The following CACNA2D1 variants were observed in gnomAD, a reference collection of about 807,000 sequenced individuals.
CACNA2D1 encodes the protein voltage-dependent calcium channel subunit alpha-2/delta-1.
In CACNA2D1, 53 loss-of-function variants were observed where a neutral mutation model predicts 171.5. The observed-to-expected ratio is 0.31, with a 90% CI of 0.25 to 0.39. CACNA2D1 has a LOEUF of 0.39. Ranked by LOEUF, CACNA2D1 falls within the 10% of genes least tolerant of loss-of-function variation. CACNA2D1 has a pLI of 1.00. For synonymous variants in CACNA2D1, 442 were observed against 443.1 expected, an observed-to-expected ratio of 1.00 and a Z score of 0.03; for missense variants, 903 against 1,299.8, an observed-to-expected ratio of 0.69 and a Z score of 4.69.
In CACNA2D1 at chr7:82,443,768, C is replaced by G; in HGVS notation, c.-309G>C. 1 of 1,069,804 alleles carries G rather than the reference C, an allele frequency of 9.3e-7. No individual in the cohort carries two copies. The highest frequency in any genetic ancestry group is 1.6e-5 in the African/African-American group (1 of 60,996). 66.3% of individuals were successfully genotyped at this position (1,069,804 alleles called of 1,614,324 possible). On this transcript the variant is annotated 5_prime_UTR_variant, in exon 1 of 39. Coordinates refer to ENST00000356860, the MANE Select transcript of CACNA2D1 (RefSeq NM_000722.4). The stretch of plus-strand genomic sequence containing the variant: ...CTCGGCGAGCCCGCCGGCGCTCGCG[C>G]GCTCTCGCTCTCCCTCTCGGTTTCC...
intron 3 of CACNA2D1, among the ~76,000 whole-genome samples, chr7:82,299,260 G>C (rs2129423612): frequency 6.6e-6 from 1 of 152,162 alleles, no homozygotes; most frequent in South Asian, 2.1e-4. Flanking sequence ...GGGTTTTAGG[G>C]AGAAAGTAGG....
chr7:81,977,470 G>C (rs1281580263), intron 24 of CACNA2D1, among the ~76,000 whole-genome samples: 1 of 151,988 alleles, frequency 6.6e-6, no homozygotes, highest in Non-Finnish European at 1.5e-5. Context: ...TGACAAACCT[G>C]ACAAAAACAA....
intron 10 of CACNA2D1, among the ~76,000 whole-genome samples, chr7:82,054,939 A>C (rs1805622196): frequency 6.6e-6 from 1 of 152,206 alleles, no homozygotes; most frequent in South Asian, 2.1e-4. Flanking sequence ...TCACTGAAGA[A>C]AATGATAGCC....
At chr7:82,145,643 A>G (rs1030988026) in intron 4 of CACNA2D1, among the ~76,000 whole-genome samples, 5 of 146,112 alleles carry the variant, frequency 3.4e-5, no homozygotes, top group South Asian at 2.1e-4. Context: ...AAAATTTTAT[A>G]TGTAAAAATT....
chr7:82,357,271 A>T (rs188570068), intron 1 of CACNA2D1, among the ~76,000 whole-genome samples: 23 of 152,290 alleles, frequency 1.5e-4, no homozygotes, highest in Admixed American at 1.5e-3. Context: ...AACGAAAAAA[A>T]TATGGTAATC....
chr7:82,436,657 T>C (rs1472686141), intron 1 of CACNA2D1, among the ~76,000 whole-genome samples: 1 of 152,212 alleles, frequency 6.6e-6, no homozygotes, highest in Non-Finnish European at 1.5e-5. Context: ...TTAGTATCTT[T>C]AATGTAATTT....
chr7:82,187,438 G>C (rs1477024006), intron 3 of CACNA2D1, among the ~76,000 whole-genome samples: 2 of 151,908 alleles, frequency 1.3e-5, no homozygotes, highest in Admixed American at 1.3e-4. Flanking sequence ...ACAGAAATAA[G>C]GACAATGTAC....
At chr7:81,964,707 T>G (rs1794515906) in intron 32 of CACNA2D1, among the ~76,000 whole-genome samples, 1 of 151,910 alleles carries the variant, frequency 6.6e-6, no homozygotes, top group Non-Finnish European at 1.5e-5. Context: ...TTATGTAGAA[T>G]GCATAAGCCT....
At chr7:82,063,246 T>C (rs1807171328) in intron 9 of CACNA2D1, among the ~76,000 whole-genome samples, 1 of 152,206 alleles carries the variant, frequency 6.6e-6, no homozygotes, top group East Asian at 1.9e-4. Flanking sequence ...AACAGGATTA[T>C]AATATATTGC....
chr7:82,269,517 G>A (rs1166623775), intron 3 of CACNA2D1, among the ~76,000 whole-genome samples: 3 of 152,208 alleles, frequency 2.0e-5, no homozygotes, highest in East Asian at 1.9e-4. Flanking sequence ...AGGAGTCAGA[G>A]AATATAGATG....
chr7:82,101,793 C>A (rs910325071), intron 6 of CACNA2D1, among the ~76,000 whole-genome samples: 3 of 152,110 alleles, frequency 2.0e-5, no homozygotes. Context: ...TAAATTCAAT[C>A]TCTTAATTTG....
chr7:82,355,518 T>C (rs1820321064), intron 1 of CACNA2D1, among the ~76,000 whole-genome samples: 1 of 152,118 alleles, frequency 6.6e-6, no homozygotes, highest in Non-Finnish European at 1.5e-5. Flanking sequence ...TGGATGGTAC[T>C]TGTGAAAGAA....
At chr7:82,321,435 T>C (rs1367233399) in intron 3 of CACNA2D1, among the ~76,000 whole-genome samples, 1 of 151,896 alleles carries the variant, frequency 6.6e-6, no homozygotes, top group Non-Finnish European at 1.5e-5. Context: ...AATAGAGTCT[T>C]ACCCCCTCCT....
At chr7:81,962,405 G>GTTATGGCAATGACAAGGTCTGAGCA (rs1794244693) in intron 35 of CACNA2D1, 35 bp downstream of exon 35, 1 of 1,526,388 alleles carries the variant, frequency 6.6e-7, no homozygotes, top group South Asian at 1.2e-5. Context: ...AATTTTTATT[G>GTTATGGCAATGACAAGGTCTGAGCA]TTATGGCAAT....
intron 19 of CACNA2D1, among the ~76,000 whole-genome samples, chr7:81,995,597 G>A (rs149333758): frequency 6.6e-6 from 1 of 152,100 alleles, no homozygotes; most frequent in African/African-American, 2.4e-5. Context: ...TTGAGAGTTC[G>A]AGATCAGCCC....
At chr7:82,372,263 T>G (rs1822498046) in intron 1 of CACNA2D1, among the ~76,000 whole-genome samples, 1 of 152,184 alleles carries the variant, frequency 6.6e-6, no homozygotes, top group African/African-American at 2.4e-5. Context: ...CATGCTCAAC[T>G]ACAAGCTTAA....
chr7:81,972,554 G>T (rs17148103), intron 25 of CACNA2D1, among the ~76,000 whole-genome samples: 1 of 151,706 alleles, frequency 6.6e-6, no homozygotes, highest in Non-Finnish European at 1.5e-5. Flanking sequence ...TAGATAATAG[G>T]TTGTCATTTC....
chr7:82,257,462 A>G (rs1288467473), intron 3 of CACNA2D1, among the ~76,000 whole-genome samples: 2 of 152,236 alleles, frequency 1.3e-5, no homozygotes, highest in Admixed American at 1.3e-4. Flanking sequence ...AATTCAATCC[A>G]CTGAATCAAA....
At chr7:82,327,210 G>A (rs1222690369) in intron 3 of CACNA2D1, among the ~76,000 whole-genome samples, 2 of 152,256 alleles carry the variant, frequency 1.3e-5, no homozygotes, top group Non-Finnish European at 2.9e-5. Flanking sequence ...CATTGTAATT[G>A]AGAGTTTGCC....
Sources: gnomAD v4.1 joint callset for allele counts (sites outside exome capture counted in the v4.1 genomes callset) on GRCh38, gnomAD v4.1.1 for gene constraint, MANE v1.5 for transcripts, NCBI Gene and HGNC (gene_info 2026-07-23, HGNC 2026-07-21) for gene names.